ATN1: variants seen among roughly 807,000 people sequenced by gnomAD.
The protein encoded by ATN1 is atrophin 1.
ATN1 carries 19 observed loss-of-function variants against 85.8 expected under a neutral mutation model. That is an observed-to-expected ratio of 0.22 (90% CI 0.15 to 0.32). The LOEUF is 0.32. Ranked by LOEUF, ATN1 falls within the 10% of genes least tolerant of loss-of-function variation. The probability of loss-of-function intolerance (pLI) is 1.00; values close to 1 mark genes in which losing one functional copy is unlikely to be tolerated. For synonymous variants in ATN1, 674 were observed against 657.0 expected, an observed-to-expected ratio of 1.03 and a Z score of -0.39; for missense variants, 1,453 against 1,564.5, an observed-to-expected ratio of 0.93 and a Z score of 1.20.
At position 6,936,728 on chromosome 12, in the gene ATN1, ACAGCAGCAG is replaced by A. The variant is rs60216939; in HGVS notation, c.1500_1508del (p.Gln500_Gln502del). The stretch of plus-strand genomic sequence containing the variant: ...ATCACCATCACCACCAGCAACAGCA[ACAGCAGCAG>A]CAGCAGCAGCAGCAGCAGCAGCAGC... On this transcript the variant is annotated inframe_deletion, in exon 5 of 10. Coordinates refer to ENST00000396684, the MANE Select transcript of ATN1 (RefSeq NM_001940.4). The A allele has an allele frequency of 0.031, 49,680 of 1,583,048 alleles. 1,748 individuals carry two copies. The highest frequency in any genetic ancestry group is 0.23 in the African/African-American group (15,986 of 70,220).
upstream of ATN1, among the ~76,000 whole-genome samples, chr12:6,924,721 G>T (rs782397051): frequency 6.6e-6 from 1 of 151,618 alleles, no homozygotes; most frequent in Non-Finnish European, 1.5e-5. Context: ...TTCAGTGTGG[G>T]CATCTCATCT....
chr12:6,924,927 C>T (rs945057286), upstream of ATN1, among the ~76,000 whole-genome samples: 1 of 152,172 alleles, frequency 6.6e-6, no homozygotes, highest in Non-Finnish European at 1.5e-5. Context: ...GTCGCCTTCT[C>T]TGACAGTCTG....
At chr12:6,933,057 T>G (rs781933063) in intron 1 of ATN1, among the ~76,000 whole-genome samples, 2 of 152,292 alleles carry the variant, frequency 1.3e-5, no homozygotes, top group Non-Finnish European at 2.9e-5. Flanking sequence ...GTTGGGCTAG[T>G]CACAATCACA....
rs782277209 is a variant in ATN1 at position 6,938,005 on chromosome 12, C to G, written c.2455C>G (p.Arg819Gly). 2.1e-5 allele frequency: 32 copies of G among 1,542,052 alleles called. No homozygotes were observed. The highest frequency in any genetic ancestry group is 1.8e-4 in the Middle Eastern group (1 of 5,506). The change falls in exon 6 of 10, where the codon CGC becomes GGC. Residue 819 changes from arginine (R) to glycine (G), a missense_variant. Physicochemically the swap from Arg to Gly is moderately radical, Grantham distance 125. Transcript: ENST00000396684. ...CGCGCGCGAAGAAAAGGAGCGCGAG[C>G]GCGAGCGGGAACGCGAGAAAGAGCG... ...QRAREEKERE[R>G]EREREKERER...
upstream of ATN1, among the ~76,000 whole-genome samples, chr12:6,926,859 C>T (rs1488163632): frequency 6.6e-6 from 1 of 151,710 alleles, no homozygotes; most frequent in African/African-American, 2.4e-5. Context: ...TCCTTCCAAT[C>T]TTCTTATCCC....
In ATN1 at chr12:6,938,742, G is replaced by A. The variant is rs781801594; in HGVS notation, c.2779G>A (p.Asp927Asn). The change falls in exon 7 of 10, where the codon GAT becomes AAT. Residue 927 changes from aspartate to asparagine, a missense_variant. By Grantham distance (23) the Asp-to-Asn change is conservative. Around this residue, in one of 6 missense-constraint regions of ATN1, gnomAD observed 208 missense variants for 263.4 expected, o/e 0.79. Transcript: ENST00000396684. ...GYNVPALYSS[D>N]PAAREREREA... ...CAATGTCCCGGCCCTGTACAGCAGTGATCCAGCTGCCCGGGAGAGGGAACG... is the reference window on the plus strand; with the variant it reads ...CAATGTCCCGGCCCTGTACAGCAGTAATCCAGCTGCCCGGGAGAGGGAACG... The A allele has an allele frequency of 6.2e-7, 1 of 1,614,036 alleles. No individual in the cohort carries two copies. The highest frequency in any genetic ancestry group is 8.5e-7 in the Non-Finnish European group (1 of 1,180,036).
rs1555143698 is a variant in ATN1 at position 6,936,509 on chromosome 12, C to T, written c.1242C>T (p.Pro414=). 2 of 1,604,058 alleles carry T rather than the reference C, an allele frequency of 1.2e-6. No homozygotes were observed. The highest frequency in any genetic ancestry group is 1.7e-6 in the Non-Finnish European group (2 of 1,177,938). The change falls in exon 5 of 10, where the codon CCC becomes CCT. Residue 414 remains proline, a synonymous_variant. Transcript: ENST00000396684. The stretch of plus-strand genomic sequence containing the variant: ...CCAGCTACCCCCACTCTTTCCCTCC[C>T]CCAACAAGCCTCTCTGTCTCCAATC... ...ALPSYPHSFP[P]PTSLSVSNQP... is the part of the protein sequence containing the mutation.
In ATN1 at chr12:6,938,077, T is replaced by C. The variant is rs781783735; in HGVS notation, c.2517+10T>C. The C allele has an allele frequency of 2.6e-6, 4 of 1,537,190 alleles. No individual in the cohort carries two copies. Among genetic ancestry groups the C allele is most frequent in the Non-Finnish European group, 3.5e-6 (4 of 1,142,822 alleles). On this transcript the variant is annotated intron_variant, in intron 6 of 9. Coordinates refer to ENST00000396684, the MANE Select transcript of ATN1 (RefSeq NM_001940.4). Reference sequence around the variant, plus strand: ...GCTTGAACGCAGCGTGGTGAGTGCGTCACTGCCTGCGCCACCGCCTTCTTT... The same window carrying C: ...GCTTGAACGCAGCGTGGTGAGTGCGCCACTGCCTGCGCCACCGCCTTCTTT...
rs151012191 is a variant in ATN1 at position 6,932,447 on chromosome 12, T to C, written c.-162-1393T>C. 4.6e-5 allele frequency among the ~76,000 whole-genome samples: 7 copies of C among 152,296 alleles called. No individual in the cohort carries two copies. The East Asian group carries it at 1.2e-3, about 25-fold the overall frequency. On this transcript the variant is annotated intron_variant, in intron 1 of 9. Coordinates refer to ENST00000396684, the MANE Select transcript of ATN1 (RefSeq NM_001940.4). ...AAGAAAACAGTAAGAAAATACCATT[T>C]TTGCTCTCAAAAGATCTTACAATCA... is the stretch of plus-strand genomic sequence containing the variant.
rs782035783 is a variant in ATN1 at position 6,938,506 on chromosome 12, C to T, written c.2543C>T (p.Pro848Leu). 8.1e-6 allele frequency: 13 copies of T among 1,610,202 alleles called. No individual in the cohort carries two copies. The East Asian group carries it at 2.7e-4, about 33-fold the overall frequency. Residue 848 changes from proline to leucine, a missense_variant, in exon 7 of 10, where the codon CCG becomes CTG. Coordinates refer to ENST00000396684, the MANE Select transcript of ATN1 (RefSeq NM_001940.4). Reference protein sequence around the residue: ...SVKLAQEGRAPVECPSLGPVP... With the variant: ...SVKLAQEGRALVECPSLGPVP... ...AAGTTGGCTCAGGAGGGCCGTGCTCCGGTGGAATGCCCATCTCTGGGCCCA... is the reference window on the plus strand; with the variant it reads ...AAGTTGGCTCAGGAGGGCCGTGCTCTGGTGGAATGCCCATCTCTGGGCCCA...
rs868922868 is a variant in ATN1 at position 6,936,496 on chromosome 12, A to C, written c.1229A>C (p.His410Pro). ...PASQALPSYP[H>P]SFPPPTSLSV... ...TCCCAGGCATTGCCCAGCTACCCCC[A>C]CTCTTTCCCTCCCCCAACAAGCCTC... The change falls in exon 5 of 10, where the codon CAC (histidine) becomes CCC (proline). Residue 410 changes from histidine (H) to proline (P), a missense_variant. His to Pro is a moderately conservative substitution (Grantham distance 77). Transcript: ENST00000396684. The C allele has an allele frequency of 4.1e-5, 46 of 1,129,788 alleles. No individual in the cohort carries two copies. The highest frequency in any genetic ancestry group is 2.7e-4 in the Middle Eastern group (1 of 3,664). The allele number at this position is 1,129,788 out of a possible 1,614,324, so 70.0% of individuals were successfully genotyped here. A position where few individuals can be genotyped will look rare whatever the true frequency, so the allele number is the denominator to read the frequency against.
rs1945421695 is a variant in ATN1 at position 6,928,308 on chromosome 12, T to TGCC, written c.-229_-227dup. 1 of 147,578 alleles carries TGCC rather than the reference T, an allele frequency of 6.8e-6. No individual in the cohort carries two copies. The highest frequency in any genetic ancestry group is 2.5e-5 in the African/African-American group (1 of 39,900). The allele number at this position is 147,578 out of a possible 1,614,324, so 9.1% of individuals were successfully genotyped here. ...GAAGAGGAGAGGGGGGCGGGGGAGC[T>TGCC]GCCGCCGCCGCCCCCCAGAGGCGCC... On this transcript the variant is annotated 5_prime_UTR_variant, in exon 1 of 10. Coordinates refer to ENST00000396684, the MANE Select transcript of ATN1 (RefSeq NM_001940.4).
Position 6,935,405 on chromosome 12 carries a change from A to G in ATN1, c.280-142A>G. 1 of 889,614 alleles carries G rather than the reference A, an allele frequency of 1.1e-6. No homozygotes were observed. Among genetic ancestry groups the G allele is most frequent in the Non-Finnish European group, 1.7e-6 (1 of 605,472 alleles). The allele number at this position is 889,614 out of a possible 1,614,324, so 55.1% of individuals were successfully genotyped here. On this transcript the variant is annotated intron_variant, in intron 4 of 9. Coordinates refer to ENST00000396684, the MANE Select transcript of ATN1 (RefSeq NM_001940.4). This position sits in a 1 kb window ranked among gnomAD's most constrained non-coding sequence, Gnocchi z 5.3. ...GAAAGTGAGAAATCCCCAGATGGTA[A>G]GAGGTGGGCTTGAGCAAGAGTACTC...
At position 6,928,323 on chromosome 12, in the gene ATN1, C is replaced by T. The variant is rs1464525365; in HGVS notation, c.-224C>T. ...GCGGGGGAGCTGCCGCCGCCGCCCC[C>T]CAGAGGCGCCGGAGCCCGGAATCCC... is the stretch of plus-strand genomic sequence containing the variant. On this transcript the variant is annotated 5_prime_UTR_variant, in exon 1 of 10. Transcript: ENST00000396684. The T allele has an allele frequency of 6.6e-6, 1 of 150,878 alleles. No individual in the cohort carries two copies. Among genetic ancestry groups the T allele is most frequent in the Non-Finnish European group, 1.5e-5 (1 of 67,482 alleles). 9.3% of individuals were successfully genotyped at this position (150,878 alleles called of 1,614,324 possible).
chr12:6,938,677 A>T lies in ATN1; in HGVS notation c.2714A>T (p.Tyr905Phe), dbSNP rs782177022. ...MSPGNRNHPF[Y>F]VPLGAVDPGL... is the part of the protein sequence containing the mutation. ...CCTGGCAATCGCAACCATCCATTCT[A>T]CGTGCCCCTGGGGGCAGTGGACCCG... Residue 905 changes from tyrosine (Y) to phenylalanine (F), a missense_variant, in exon 7 of 10, where the codon TAC (tyrosine) becomes TTC (phenylalanine). Tyr to Phe is a conservative substitution (Grantham distance 22). Transcript: ENST00000396684. 1 of 1,614,088 alleles carries T rather than the reference A, an allele frequency of 6.2e-7. No individual in the cohort carries two copies. Among genetic ancestry groups the T allele is most frequent in the Admixed American group, 1.7e-5 (1 of 60,024 alleles).
rs1945415562 is a variant in ATN1 at position 6,927,961 on chromosome 12, G to C, written c.-586G>C. Among the ~76,000 whole-genome samples the C allele has an allele frequency of 6.8e-6, 1 of 148,006 alleles. No individual in the cohort carries two copies. Among genetic ancestry groups the C allele is most frequent in the African/African-American group, 2.5e-5 (1 of 40,410 alleles). The stretch of plus-strand genomic sequence containing the variant: ...GCCGGGGAAGGGGCGGGGGCCGCGG[G>C]CGAGGCGGCCGAGGGGCCCGGGATC... On this transcript the variant is annotated 5_prime_UTR_variant, in exon 1 of 10. Transcript: ENST00000396684.
At chr12:6,938,380 G>A in intron 6 of ATN1, 101 bp from the exon 7 acceptor site, 1 of 1,435,524 alleles carries the variant, frequency 7.0e-7, no homozygotes, top group East Asian at 2.5e-5. Context: ...AATGAGTTGA[G>A]GCATTTTGGC....
Position 6,936,950 on chromosome 12 carries a change from A to G in ATN1, c.1683A>G (p.Ala561=). Residue 561 remains alanine, a synonymous_variant, in exon 5 of 10, where the codon GCA becomes GCG. Coordinates refer to ENST00000396684, the MANE Select transcript of ATN1 (RefSeq NM_001940.4). ...ACAGCCAGGTGTCCTACAGCCAAGCAGGCCCCAATGGCCCTCCAGTCTCTT... is the reference window on the plus strand; with the variant it reads ...ACAGCCAGGTGTCCTACAGCCAAGCGGGCCCCAATGGCCCTCCAGTCTCTT... ...PPHSQVSYSQ[A]GPNGPPVSSS... is the part of the protein sequence containing the mutation. The G allele has an allele frequency of 6.2e-7, 1 of 1,613,926 alleles. No individual in the cohort carries two copies. The highest frequency in any genetic ancestry group is 8.5e-7 in the Non-Finnish European group (1 of 1,179,936).
At position 6,934,623 on chromosome 12, in the gene ATN1, T is replaced by A; in HGVS notation, c.279+45T>A. 7.1e-7 allele frequency: 1 copy of A among 1,410,566 alleles called. No homozygotes were observed. The highest frequency in any genetic ancestry group is 1.2e-5 in the South Asian group (1 of 80,952). The allele number at this position is 1,410,566 out of a possible 1,614,324, so 87.4% of individuals were successfully genotyped here. On this transcript the variant is annotated intron_variant, in intron 4 of 9. Coordinates refer to ENST00000396684, the MANE Select transcript of ATN1 (RefSeq NM_001940.4). This position sits in a 1 kb window ranked among gnomAD's most constrained non-coding sequence, Gnocchi z 4.5. ...ATCCTGACCCATCTTGTGACCATTCTTTTCTCAGACTTGCTTATGCTCACT... is the reference window on the plus strand; with the variant it reads ...ATCCTGACCCATCTTGTGACCATTCATTTCTCAGACTTGCTTATGCTCACT...
Sources: gnomAD v4.1 joint callset for allele counts (sites outside exome capture counted in the v4.1 genomes callset) on GRCh38, gnomAD v4.1.1 for gene constraint, gnomAD v4.1.1 regional missense constraint, Gnocchi (gnomAD v3.1) non-coding constraint, MANE v1.5 for transcripts, NCBI Gene and HGNC (gene_info 2026-07-23, HGNC 2026-07-21) for gene names.